SOX6: variants seen among roughly 807,000 people sequenced by gnomAD.
SOX6 encodes the protein SRY-box transcription factor 6.
In SOX6, 11 loss-of-function variants were observed where a neutral mutation model predicts 97.8. That is an observed-to-expected ratio of 0.11 (90% CI 0.07 to 0.19). The LOEUF is 0.19. Ranked by LOEUF, SOX6 falls within the 10% of genes least tolerant of loss-of-function variation. The probability of loss-of-function intolerance (pLI) is 1.00; values close to 1 mark genes in which losing one functional copy is unlikely to be tolerated. For missense variants in SOX6, 810 were observed against 1,039.5 expected (o/e 0.78, Z 3.04); for synonymous variants, 360 against 371.4 (o/e 0.97, Z 0.35).
intron 1 of SOX6, among the ~76,000 whole-genome samples, chr11:16,394,768 G>C (rs1858295200): frequency 6.6e-6 from 1 of 151,566 alleles, no homozygotes; most frequent in South Asian, 2.1e-4. Context: ...AATTTTTCCA[G>C]ATTTTTAGAG....
At chr11:16,484,369 C>A (rs1197935415) in intron 4 of SOX6, 5 of 803,282 alleles carry the variant, frequency 6.2e-6, no homozygotes, top group Non-Finnish European at 1.1e-5. Context: ...GGTAGTCCAG[C>A]TTCATGTCAC....
At chr11:16,442,097 G>A (rs1168377526) in intron 1 of SOX6, among the ~76,000 whole-genome samples, 1 of 152,106 alleles carries the variant, frequency 6.6e-6, no homozygotes, top group Non-Finnish European at 1.5e-5. Context: ...AATTTAACAG[G>A]ACTTTTAGTT....
At chr11:16,097,783 A>G in intron 7 of SOX6, 95 bp from the exon 8 acceptor site, 2 of 1,150,746 alleles carry the variant, frequency 1.7e-6, no homozygotes, top group Non-Finnish European at 2.6e-6. Context: ...TGAGCTTTAC[A>G]ACATTGCTCT....
At chr11:16,272,480 TATA>T in intron 3 of SOX6, among the ~76,000 whole-genome samples, 1 of 151,802 alleles carries the variant, frequency 6.6e-6, no homozygotes, top group East Asian at 1.9e-4. Context: ...ATAAAGTGTA[TATA>T]ATTACTGCAG....
At chr11:16,031,264 C>T (rs1855365184) in intron 12 of SOX6, among the ~76,000 whole-genome samples, 1 of 152,156 alleles carries the variant, frequency 6.6e-6, no homozygotes, top group Non-Finnish European at 1.5e-5. Context: ...AATCAGGAAG[C>T]TCAGCATCCA....
intron 3 of SOX6, among the ~76,000 whole-genome samples, chr11:16,645,123 C>G (rs1848992321): frequency 6.6e-6 from 1 of 152,218 alleles, no homozygotes; most frequent in Non-Finnish European, 1.5e-5. Flanking sequence ...GTCATCCTTA[C>G]AATCACAGAT....
At chr11:16,643,782 G>C (rs1047619834) in intron 3 of SOX6, among the ~76,000 whole-genome samples, 1 of 152,200 alleles carries the variant, frequency 6.6e-6, no homozygotes, top group Non-Finnish European at 1.5e-5. Flanking sequence ...ATTAGGGTGG[G>C]AGTGACCTGA....
chr11:16,296,240 A>T (rs1037492932), intron 3 of SOX6, among the ~76,000 whole-genome samples: 1 of 152,136 alleles, frequency 6.6e-6, no homozygotes, highest in Non-Finnish European at 1.5e-5. Context: ...CAACCTAAGA[A>T]TTCCATAGTT....
intron 4 of SOX6, among the ~76,000 whole-genome samples, chr11:16,539,540 T>C (rs981123777): frequency 2.6e-5 from 4 of 152,034 alleles, no homozygotes; most frequent in African/African-American, 9.7e-5. Flanking sequence ...GAGCTGGTTT[T>C]TTGAAAAGAT....
intron 3 of SOX6, among the ~76,000 whole-genome samples, chr11:16,699,859 T>C (rs943475297): frequency 3.9e-5 from 6 of 152,178 alleles, no homozygotes; most frequent in Non-Finnish European, 8.8e-5. Context: ...TGCAAATCCT[T>C]TGGAGGCTGC....
chr11:16,704,573 T>G (rs1249631191), intron 3 of SOX6, among the ~76,000 whole-genome samples: 1 of 152,236 alleles, frequency 6.6e-6, no homozygotes, highest in Non-Finnish European at 1.5e-5. Context: ...ACTTAGCACA[T>G]GCCAGGTATT....
intron 1 of SOX6, among the ~76,000 whole-genome samples, chr11:16,349,715 A>AGGAAGGAAGGGAGGAAGGAAGAAG: frequency 2.4e-5 from 1 of 41,730 alleles, no homozygotes; most frequent in East Asian, 9.7e-4. Context: ...GAAGGAAGGA[A>AGGAAGGAAGGGAGGAAGGAAGAAG]GAAGGAAGGA....
intron 1 of SOX6, among the ~76,000 whole-genome samples, chr11:16,452,823 G>T (rs151290773): frequency 6.6e-6 from 1 of 152,112 alleles, no homozygotes; most frequent in Non-Finnish European, 1.5e-5. Flanking sequence ...AAGCCCAGGA[G>T]ATGTGCACAT....
chr11:16,234,544 T>G, intron 4 of SOX6, 38 bp downstream of exon 4: 1 of 1,175,716 alleles, frequency 8.5e-7, no homozygotes, highest in Non-Finnish European at 1.3e-6. Flanking sequence ...TAACATCACA[T>G]CACTGCATTG....
chr11:16,736,749 T>C (rs1485977622), intron 1 of SOX6, among the ~76,000 whole-genome samples: 1 of 152,184 alleles, frequency 6.6e-6, no homozygotes, highest in Non-Finnish European at 1.5e-5. Flanking sequence ...TTGTAACTAA[T>C]AGAACCTAAG....
intron 3 of SOX6, among the ~76,000 whole-genome samples, chr11:16,690,400 A>G (rs1848003943): frequency 6.6e-6 from 1 of 152,080 alleles, no homozygotes; most frequent in African/African-American, 2.4e-5. Context: ...GTTTTATAGA[A>G]CCCATTTTAA....
intron 1 of SOX6, among the ~76,000 whole-genome samples, chr11:16,367,012 GTA>G (rs968693608): frequency 3.9e-5 from 6 of 152,118 alleles, no homozygotes; most frequent in Non-Finnish European, 7.4e-5. Flanking sequence ...CATATAGATG[GTA>G]CAGGCATCTG....
rs75553323 is a variant in SOX6 at position 16,481,558 on chromosome 11, T to C, written n.610-5170A>G. Among the ~76,000 whole-genome samples the C allele has an allele frequency of 7.5e-3, 1,140 of 152,302 alleles. 15 individuals carry two copies. Among genetic ancestry groups the C allele is most frequent in the African/African-American group, 0.025 (1,025 of 41,578 alleles). On this transcript the variant is annotated intron_variant and non_coding_transcript_variant, in intron 4 of 5. Transcript: ENST00000524520. ...AAGCTACCTCATAATAGCCTATTCA[T>C]GTATTCCATGCTGCTCAACCTATAT...
intron 1 of SOX6, among the ~76,000 whole-genome samples, chr11:16,388,884 T>G (rs1478327988): frequency 6.6e-6 from 1 of 152,226 alleles, no homozygotes; most frequent in Non-Finnish European, 1.5e-5. Context: ...GCTGAACTTC[T>G]TACGACTGTA....
Sources: gnomAD v4.1 joint callset for allele counts (sites outside exome capture counted in the v4.1 genomes callset) on GRCh38, gnomAD v4.1.1 for gene constraint, MANE v1.5 for transcripts, NCBI Gene and HGNC (gene_info 2026-07-23, HGNC 2026-07-21) for gene names.